The following KIF16B variants were observed in gnomAD, a reference collection of about 807,000 sequenced individuals.
KIF16B encodes the protein kinesin family member 16B.
Under a neutral mutation model 156.3 loss-of-function variants are expected in KIF16B, and 98 were observed. The observed-to-expected ratio is 0.63, with a 90% CI of 0.53 to 0.74. KIF16B has a LOEUF of 0.74. Ranked by LOEUF, KIF16B falls within the 30% of genes least tolerant of loss-of-function variation. KIF16B has a pLI of 0.00. For synonymous variants in KIF16B, 564 were observed against 583.7 expected (o/e 0.97, Z 0.49); for missense variants, 1,421 against 1,606.5 (o/e 0.88, Z 1.97).
intron 13 of KIF16B, among the ~76,000 whole-genome samples, chr20:16,429,406 A>C (rs73597768): frequency 0.065 from 9,926 of 152,264 alleles, 604 homozygotes; most frequent in East Asian, 0.32. Context: ...ACTAAAGTCA[A>C]GGTTACAGGG....
chr20:16,508,882 T>C (rs2068870991), intron 6 of KIF16B, among the ~76,000 whole-genome samples: 1 of 152,218 alleles, frequency 6.6e-6, no homozygotes, highest in African/African-American at 2.4e-5. Flanking sequence ...ATTATTTTAT[T>C]AACTTTTTTG....
intron 22 of KIF16B, 41 bp from the exon 23 acceptor site, chr20:16,356,493 A>G (rs369577918): frequency 7.9e-5 from 127 of 1,611,658 alleles, no homozygotes; most frequent in Non-Finnish European, 9.9e-5. Flanking sequence ...AAGAGAAACC[A>G]GAATCACTCC....
At chr20:16,349,737 T>C (rs947833433) in intron 23 of KIF16B, among the ~76,000 whole-genome samples, 1 of 152,212 alleles carries the variant, frequency 6.6e-6, no homozygotes, top group Non-Finnish European at 1.5e-5. Context: ...GGTTCTTCAG[T>C]TGTAAAAACA....
intron 14 of KIF16B, among the ~76,000 whole-genome samples, 193 bp from the exon 15 acceptor site, chr20:16,427,434 G>A (rs2066385866): frequency 6.6e-6 from 1 of 152,092 alleles, no homozygotes; most frequent in Non-Finnish European, 1.5e-5. Flanking sequence ...TGATAGGACT[G>A]GAAGATCCTT....
At chr20:16,500,756 T>C (rs188569125) in intron 10 of KIF16B, among the ~76,000 whole-genome samples, 10 of 152,300 alleles carry the variant, frequency 6.6e-5, no homozygotes, top group African/African-American at 2.4e-4. Flanking sequence ...GAGTTTTACT[T>C]TGTGACCCTA....
chr20:16,300,541 A>G (rs980406108), intron 25 of KIF16B, among the ~76,000 whole-genome samples: 4 of 152,060 alleles, frequency 2.6e-5, no homozygotes, highest in Admixed American at 2.0e-4. Context: ...CACTAAGGGC[A>G]CAGTGGAAAA....
intron 12 of KIF16B, among the ~76,000 whole-genome samples, chr20:16,431,329 A>G (rs1306828784): frequency 6.6e-6 from 1 of 152,142 alleles, no homozygotes; most frequent in Non-Finnish European, 1.5e-5. Flanking sequence ...GACAAAAGCC[A>G]AAGTCTTTGT....
intron 12 of KIF16B, among the ~76,000 whole-genome samples, chr20:16,456,096 C>CCAATACAATACAATA (rs56823966): frequency 0.033 from 4,800 of 143,370 alleles, 103 homozygotes; most frequent in African/African-American, 0.036. Context: ...TCTACTGGAG[C>CCAATACAATACAATA]CAATACAATA....
chr20:16,534,350 T>C (rs1465213503), intron 1 of KIF16B, among the ~76,000 whole-genome samples: 1 of 152,228 alleles, frequency 6.6e-6, no homozygotes, highest in African/African-American at 2.4e-5. Context: ...CTCTTCCTAG[T>C]TCCTGAAAAC....
intron 17 of KIF16B, among the ~76,000 whole-genome samples, chr20:16,395,098 C>T (rs1399306094): frequency 6.7e-6 from 1 of 148,442 alleles, no homozygotes; most frequent in Non-Finnish European, 1.5e-5. Flanking sequence ...GGGCATACCC[C>T]TGTCATCGGT....
At chr20:16,345,591 T>C (rs1008721558) in intron 23 of KIF16B, among the ~76,000 whole-genome samples, 6 of 152,192 alleles carry the variant, frequency 3.9e-5, no homozygotes, top group African/African-American at 7.2e-5. Context: ...AGAGAGAACA[T>C]TGATTTAGAA....
chr20:16,560,924 T>C (rs1044580281), intron 1 of KIF16B, among the ~76,000 whole-genome samples: 2 of 152,194 alleles, frequency 1.3e-5, no homozygotes, highest in Non-Finnish European at 2.9e-5. Flanking sequence ...TAAATTCACT[T>C]CATCAGTGTT....
intron 25 of KIF16B, among the ~76,000 whole-genome samples, chr20:16,300,393 T>A (rs967733523): frequency 6.6e-6 from 1 of 152,234 alleles, no homozygotes; most frequent in Non-Finnish European, 1.5e-5. Context: ...TTCCTTTTAA[T>A]AACAATTTAA....
chr20:16,410,136 T>C (rs182127548), intron 15 of KIF16B, among the ~76,000 whole-genome samples: 1 of 124,566 alleles, frequency 8.0e-6, no homozygotes, highest in African/African-American at 2.9e-5. Flanking sequence ...TAGGTACATA[T>C]ATATATGTAG....
In KIF16B at chr20:16,371,755, A is replaced by G; in HGVS notation, c.3357T>C (p.Asn1119=). The G allele has an allele frequency of 6.2e-7, 1 of 1,611,524 alleles. No individual in the cohort carries two copies. Among genetic ancestry groups the G allele is most frequent in the East Asian group, 2.2e-5 (1 of 44,874 alleles). The change falls in exon 21 of 26, where the codon AAT becomes AAC. Residue 1119 remains asparagine, a synonymous_variant. Coordinates refer to ENST00000354981, the MANE Select transcript of KIF16B (RefSeq NM_024704.5). ...HLVPLMDARI[N]AYIEEEVQRR... ...TTTGGACTTCTTCTTCAATGTAAGCATTGATCCTGTAACACAATGGAGATG... is the reference window on the plus strand; with the variant it reads ...TTTGGACTTCTTCTTCAATGTAAGCGTTGATCCTGTAACACAATGGAGATG...
chr20:16,416,371 T>G (rs1219992178), intron 15 of KIF16B, among the ~76,000 whole-genome samples: 1 of 152,210 alleles, frequency 6.6e-6, no homozygotes, highest in Admixed American at 6.5e-5. Flanking sequence ...TAATCCATCT[T>G]GAGTTAATTT....
intron 11 of KIF16B, among the ~76,000 whole-genome samples, chr20:16,496,840 T>A (rs1352535247): frequency 6.6e-6 from 1 of 152,234 alleles, no homozygotes; most frequent in African/African-American, 2.4e-5. Flanking sequence ...TTATCCTAGA[T>A]GTGTCAACAA....
intron 25 of KIF16B, among the ~76,000 whole-genome samples, chr20:16,305,733 G>A (rs558374457): frequency 1.3e-5 from 2 of 152,212 alleles, no homozygotes; most frequent in East Asian, 3.9e-4. Context: ...ATCCCCATGA[G>A]ATACACGTTT....
At chr20:16,539,049 G>C (rs556045894) in intron 1 of KIF16B, among the ~76,000 whole-genome samples, 1 of 152,150 alleles carries the variant, frequency 6.6e-6, no homozygotes, top group South Asian at 2.1e-4. Context: ...CAGTGCAAAT[G>C]ATGAGCCAAT....
Sources: allele counts gnomAD v4.1 joint callset (sites outside exome capture counted in the v4.1 genomes callset), GRCh38; gene constraint gnomAD v4.1.1; transcripts MANE v1.5; gene names NCBI Gene and HGNC (gene_info 2026-07-23, HGNC 2026-07-21).